IRAK2: variants seen among roughly 807,000 people sequenced by gnomAD.
The protein encoded by IRAK2 is interleukin-1 receptor-associated kinase-like 2.
Under a neutral mutation model 72.0 loss-of-function variants are expected in IRAK2, and 57 were observed. The observed-to-expected ratio is 0.79, with a 90% CI of 0.64 to 0.99. IRAK2 has a LOEUF of 0.99. Among genes scored for constraint, IRAK2 ranks in the 50% least tolerant of loss-of-function variants. The pLI is 0.00. For synonymous variants in IRAK2, 293 were observed against 312.7 expected (o/e 0.94, Z 0.67); for missense variants, 790 against 794.4 (o/e 0.99, Z 0.07).
At chr3:10,223,006 C>T (rs529310519) in intron 9 of IRAK2, among the ~76,000 whole-genome samples, 175 bp downstream of exon 9, 1 of 152,188 alleles carries the variant, frequency 6.6e-6, no homozygotes, top group African/African-American at 2.4e-5. Context: ...TTTGTATGGT[C>T]TGTGAGCTAA....
At chr3:10,185,075 A>G (rs1283171259) in intron 2 of IRAK2, among the ~76,000 whole-genome samples, 1 of 151,018 alleles carries the variant, frequency 6.6e-6, no homozygotes, top group Non-Finnish European at 1.5e-5. Flanking sequence ...TGCTTGGCCC[A>G]TCTGGCAGCC....
At chr3:10,215,052 A>G (rs1388287501) in intron 6 of IRAK2, among the ~76,000 whole-genome samples, 1 of 151,372 alleles carries the variant, frequency 6.6e-6, no homozygotes, top group Non-Finnish European at 1.5e-5. Context: ...AGATCATGAC[A>G]CTACACTCCA....
chr3:10,213,587 C>G (rs960068330), intron 6 of IRAK2, 39 bp downstream of exon 6: 1 of 1,483,034 alleles, frequency 6.7e-7, no homozygotes, highest in Non-Finnish European at 9.4e-7. Flanking sequence ...GATAGCTAAC[C>G]TTTATATAGT....
At chr3:10,225,761 C>G (rs536675750) in intron 9 of IRAK2, among the ~76,000 whole-genome samples, 1 of 149,836 alleles carries the variant, frequency 6.7e-6, no homozygotes, top group East Asian at 2.0e-4. Context: ...TGCAGTGGTG[C>G]GATCTCAGTT....
chr3:10,235,106 C>G (rs1162156523), intron 11 of IRAK2, among the ~76,000 whole-genome samples: 1 of 152,118 alleles, frequency 6.6e-6, no homozygotes, highest in Non-Finnish European at 1.5e-5. Flanking sequence ...GTGGGGCGGT[C>G]CAGCATGCAA....
At chr3:10,200,339 G>C in intron 2 of IRAK2, 30 bp from the exon 3 acceptor site, 1 of 1,558,604 alleles carries the variant, frequency 6.4e-7, no homozygotes, top group East Asian at 2.3e-5. Flanking sequence ...TCATGGAATA[G>C]TAATAACTTT....
intron 2 of IRAK2, among the ~76,000 whole-genome samples, chr3:10,199,064 T>C (rs116315350): frequency 4.6e-4 from 70 of 152,118 alleles, no homozygotes; most frequent in African/African-American, 1.6e-3. Flanking sequence ...CATAAAGGCT[T>C]CAAGCAGGGA....
intron 2 of IRAK2, among the ~76,000 whole-genome samples, chr3:10,186,835 A>G (rs1697082450): frequency 7.3e-6 from 1 of 137,710 alleles, no homozygotes; most frequent in African/African-American, 2.9e-5. Flanking sequence ...TTTGTTGCCC[A>G]GGCTGGAATG....
At chr3:10,225,785 A>T (rs544558682) in intron 9 of IRAK2, among the ~76,000 whole-genome samples, 4 of 148,462 alleles carry the variant, frequency 2.7e-5, no homozygotes, top group Admixed American at 1.4e-4. Context: ...TGCAAGATCC[A>T]CCTCCCAGGT....
At chr3:10,168,739 G>T (rs562314680) in intron 1 of IRAK2, among the ~76,000 whole-genome samples, 1 of 152,202 alleles carries the variant, frequency 6.6e-6, no homozygotes, top group East Asian at 1.9e-4. Context: ...CCCAGTGCTG[G>T]CCTCTCTGAC....
chr3:10,230,443 C>T (rs974867025), intron 10 of IRAK2, among the ~76,000 whole-genome samples: 1 of 152,052 alleles, frequency 6.6e-6, no homozygotes, highest in Non-Finnish European at 1.5e-5. Flanking sequence ...CCACCTTAGC[C>T]TCCCGGGTAG....
chr3:10,208,492 A>T (rs374312425), intron 3 of IRAK2, among the ~76,000 whole-genome samples: 1 of 148,504 alleles, frequency 6.7e-6, no homozygotes, highest in Non-Finnish European at 1.5e-5. Context: ...GACTGAGCGC[A>T]GTGGCTCATG....
At chr3:10,185,233 C>G (rs2125145615) in intron 2 of IRAK2, among the ~76,000 whole-genome samples, 1 of 151,454 alleles carries the variant, frequency 6.6e-6, no homozygotes, top group African/African-American at 2.4e-5. Flanking sequence ...CTTAAGTTCC[C>G]CAGATGATTC....
chr3:10,165,502 A>C (rs564932299), intron 1 of IRAK2, among the ~76,000 whole-genome samples: 1 of 152,092 alleles, frequency 6.6e-6, no homozygotes, highest in Non-Finnish European at 1.5e-5. Context: ...TTTAACATAT[A>C]TATATATATT....
chr3:10,177,826 C>A lies in IRAK2; in HGVS notation c.95-12C>A, dbSNP rs1711109. The stretch of plus-strand genomic sequence containing the variant: ...CTCTGACTCTAAGCAGAGTTCTCTC[C>A]GTCCCTTCCAGCCTCCTACGTGATC... On this transcript the variant is annotated splice_polypyrimidine_tract_variant and intron_variant, in intron 1 of 12. Transcript: ENST00000256458. The A allele has an allele frequency of 1.4e-5, 23 of 1,609,728 alleles. No homozygotes were observed. The African/African-American group carries it at 2.8e-4, about 20-fold the overall frequency.
chr3:10,180,178 G>T (rs987739202), intron 2 of IRAK2, among the ~76,000 whole-genome samples: 1 of 152,020 alleles, frequency 6.6e-6, no homozygotes, highest in Non-Finnish European at 1.5e-5. Context: ...GGGGATGGGG[G>T]GTCTGGTTAC....
intron 4 of IRAK2, among the ~76,000 whole-genome samples, chr3:10,210,437 A>T (rs1408127569): frequency 1.3e-5 from 2 of 152,204 alleles, no homozygotes; most frequent in African/African-American, 4.8e-5. Context: ...AGGATTAAAA[A>T]TGAGGACATT....
intron 3 of IRAK2, among the ~76,000 whole-genome samples, chr3:10,208,901 G>T (rs1697474838): frequency 6.6e-6 from 1 of 152,118 alleles, no homozygotes; most frequent in Non-Finnish European, 1.5e-5. Flanking sequence ...GAAGTATTTA[G>T]AACAGTGCCT....
At position 10,234,604 on chromosome 3, in the gene IRAK2, C is replaced by T; in HGVS notation, c.1418C>T (p.Ala473Val). The part of the protein sequence containing the change: ...AGRLPEDCAE[A>V]LATAACLCLR... ...AGGCTTCCGGAGGACTGCGCCGAGG[C>T]CCTGGCCACGGCTGCCTGCCTGTGC... The change falls in exon 11 of 13, where the codon GCC (alanine) becomes GTC (valine). Residue 473 changes from alanine (A) to valine (V), a missense_variant. Ala to Val is a moderately conservative substitution (Grantham distance 64). Transcript: ENST00000256458. 1 of 1,613,458 alleles carries T rather than the reference C, an allele frequency of 6.2e-7. No homozygotes were observed. The highest frequency in any genetic ancestry group is 8.5e-7 in the Non-Finnish European group (1 of 1,179,942).
Sources: allele counts gnomAD v4.1 joint callset (sites outside exome capture counted in the v4.1 genomes callset), GRCh38; gene constraint gnomAD v4.1.1; transcripts MANE v1.5; gene names NCBI Gene and HGNC (gene_info 2026-07-23, HGNC 2026-07-21).